Variants in PLPPR1 observed in about 807,000 individuals in gnomAD.
The protein encoded by PLPPR1 is phospholipid phosphatase related 1.
PLPPR1 carries 10 observed loss-of-function variants against 33.1 expected under a neutral mutation model. The ratio of observed to expected loss-of-function variants is 0.30; its 90% CI spans 0.19 to 0.51. PLPPR1 has a LOEUF of 0.51. Ranked by LOEUF, PLPPR1 falls within the 20% of genes least tolerant of loss-of-function variation. The probability of loss-of-function intolerance (pLI) is 0.97; values close to 1 mark genes in which losing one functional copy is unlikely to be tolerated. For synonymous variants in PLPPR1, 151 were observed against 151.0 expected, an observed-to-expected ratio of 1.00 and a Z score of 0.00; for missense variants, 304 against 408.1, an observed-to-expected ratio of 0.74 and a Z score of 2.20.
At chr9:101,321,265 C>T (rs1269221639) in intron 7 of PLPPR1, among the ~76,000 whole-genome samples, 1 of 152,138 alleles carries the variant, frequency 6.6e-6, no homozygotes, top group African/African-American at 2.4e-5. Context: ...CAGTCACGCT[C>T]GTTTCCCTTT....
At chr9:101,165,217 A>G (rs530091859) in intron 1 of PLPPR1, among the ~76,000 whole-genome samples, 2 of 152,344 alleles carry the variant, frequency 1.3e-5, no homozygotes, top group Admixed American at 1.3e-4. Flanking sequence ...AAAGCAAATC[A>G]GACTGGGCTT....
intron 1 of PLPPR1, among the ~76,000 whole-genome samples, chr9:101,108,650 A>G (rs1369026858): frequency 6.6e-6 from 1 of 152,198 alleles, no homozygotes; most frequent in Non-Finnish European, 1.5e-5. Flanking sequence ...ATAAAAACCA[A>G]TAGCATTGTA....
intron 1 of PLPPR1, among the ~76,000 whole-genome samples, chr9:101,180,229 C>T (rs964239640): frequency 2.0e-5 from 3 of 148,192 alleles, no homozygotes; most frequent in African/African-American, 7.4e-5. Flanking sequence ...TACACACACA[C>T]ATACATTCCA....
At chr9:101,079,636 G>A (rs1397052210) in intron 1 of PLPPR1, among the ~76,000 whole-genome samples, 1 of 150,800 alleles carries the variant, frequency 6.6e-6, no homozygotes, top group African/African-American at 2.4e-5. Flanking sequence ...CTGGAGTGCA[G>A]TGGCACGATC....
chr9:101,215,510 A>G lies in PLPPR1; in HGVS notation c.63+29953A>G, dbSNP rs564862142. On this transcript the variant is annotated intron_variant, in intron 2 of 7. Transcript: ENST00000374874. Reference sequence around the variant, plus strand: ...TGGTCAGGCTGGTCTCTAACTCCTGACCTCGTGATCCCCCTGCCTAAGTGC... The same window carrying G: ...TGGTCAGGCTGGTCTCTAACTCCTGGCCTCGTGATCCCCCTGCCTAAGTGC... Among the ~76,000 whole-genome samples the G allele has an allele frequency of 1.9e-3, 283 of 152,080 alleles. 1 individual carries two copies. The highest frequency in any genetic ancestry group is 6.4e-3 in the African/African-American group (266 of 41,464).
chr9:101,263,429 T>A (rs1827935537), intron 2 of PLPPR1, among the ~76,000 whole-genome samples: 1 of 152,226 alleles, frequency 6.6e-6, no homozygotes, highest in Non-Finnish European at 1.5e-5. Context: ...CCTTCCTGCT[T>A]CCATTCCAAC....
At chr9:101,081,351 C>A (rs916966966) in intron 1 of PLPPR1, among the ~76,000 whole-genome samples, 4 of 152,048 alleles carry the variant, frequency 2.6e-5, no homozygotes, top group African/African-American at 4.8e-5. Flanking sequence ...CCTGCCACCA[C>A]GCCCAGCTAA....
At chr9:101,218,544 A>G (rs940953029) in intron 2 of PLPPR1, among the ~76,000 whole-genome samples, 9 of 152,190 alleles carry the variant, frequency 5.9e-5, no homozygotes, top group African/African-American at 1.9e-4. Flanking sequence ...CTATCTCATA[A>G]GGATGTGACA....
At chr9:101,031,548 T>C (rs1296599061) in intron 1 of PLPPR1, among the ~76,000 whole-genome samples, 1 of 152,182 alleles carries the variant, frequency 6.6e-6, no homozygotes, top group Non-Finnish European at 1.5e-5. Flanking sequence ...CATGTATAAG[T>C]ACTTGTTACA....
At chr9:101,108,489 A>G (rs1238016201) in intron 1 of PLPPR1, among the ~76,000 whole-genome samples, 1 of 152,232 alleles carries the variant, frequency 6.6e-6, no homozygotes, top group East Asian at 1.9e-4. Flanking sequence ...TGATAAGATA[A>G]TTTATTGTCC....
intron 2 of PLPPR1, among the ~76,000 whole-genome samples, chr9:101,269,169 T>A (rs1416724269): frequency 6.6e-6 from 1 of 151,796 alleles, no homozygotes; most frequent in East Asian, 1.9e-4. Context: ...GACATCTGAG[T>A]CAAAACAAAA....
chr9:101,107,757 G>C (rs1381212841), intron 1 of PLPPR1, among the ~76,000 whole-genome samples: 4 of 129,670 alleles, frequency 3.1e-5, no homozygotes, highest in Admixed American at 7.8e-5. Flanking sequence ...CCTCGTTGCC[G>C]CCTTGCAGTT....
chr9:101,271,737 T>A (rs1260010904), intron 3 of PLPPR1, among the ~76,000 whole-genome samples: 1 of 152,196 alleles, frequency 6.6e-6, no homozygotes, highest in East Asian at 1.9e-4. Context: ...CTCATAAGCA[T>A]ATCGCTTTCC....
chr9:101,278,857 T>A (rs551512008), intron 3 of PLPPR1, among the ~76,000 whole-genome samples: 1 of 152,238 alleles, frequency 6.6e-6, no homozygotes, highest in Non-Finnish European at 1.5e-5. Flanking sequence ...CAGCCCCAGG[T>A]TTTGGGCATA....
chr9:101,033,902 T>C (rs766777568), intron 1 of PLPPR1, among the ~76,000 whole-genome samples: 1 of 152,130 alleles, frequency 6.6e-6, no homozygotes, highest in Non-Finnish European at 1.5e-5. Context: ...ACCAGGATGA[T>C]TTTAAGTGAG....
chr9:101,213,212 A>G (rs1222358290), intron 2 of PLPPR1, among the ~76,000 whole-genome samples: 1 of 152,194 alleles, frequency 6.6e-6, no homozygotes, highest in African/African-American at 2.4e-5. Context: ...ACAGTTTATC[A>G]GAATTTTTAT....
chr9:101,271,504 A>G (rs551574891), intron 3 of PLPPR1, among the ~76,000 whole-genome samples: 1 of 152,302 alleles, frequency 6.6e-6, no homozygotes, highest in South Asian at 2.1e-4. Flanking sequence ...GAAGGGAGAT[A>G]TGCCCATTCC....
chr9:101,158,876 C>T (rs775311019), intron 1 of PLPPR1, among the ~76,000 whole-genome samples: 1 of 152,178 alleles, frequency 6.6e-6, no homozygotes, highest in Non-Finnish European at 1.5e-5. Context: ...GGGGTACATG[C>T]TAGCACCAAT....
chr9:101,075,029 T>TTGA (rs1830520537), intron 1 of PLPPR1, among the ~76,000 whole-genome samples: 1 of 152,200 alleles, frequency 6.6e-6, no homozygotes, highest in South Asian at 2.1e-4. Flanking sequence ...GGACAACAGT[T>TTGA]GCGGGAAACT....
Sources: allele counts gnomAD v4.1 joint callset (sites outside exome capture counted in the v4.1 genomes callset), GRCh38; gene constraint gnomAD v4.1.1; transcripts MANE v1.5; gene names NCBI Gene and HGNC (gene_info 2026-07-23, HGNC 2026-07-21).